CCDC136: variants seen among roughly 807,000 people sequenced by gnomAD.
The protein encoded by CCDC136 is coiled-coil domain containing 136.
In CCDC136, 100 loss-of-function variants were observed where a neutral mutation model predicts 141.2. That is an observed-to-expected ratio of 0.71 (90% CI 0.60 to 0.84). The LOEUF is 0.84. Ranked by LOEUF, CCDC136 falls within the 40% of genes least tolerant of loss-of-function variation. CCDC136 has a pLI of 0.00. For synonymous variants in CCDC136, 474 were observed against 531.9 expected (o/e 0.89, Z 1.50); for missense variants, 1,206 against 1,379.4 (o/e 0.87, Z 1.99).
At chr7:128,810,471 G>GGGGTAAGGATAA in intron 12 of CCDC136, 105 bp downstream of exon 12, 2 of 788,910 alleles carry the variant, frequency 2.5e-6, no homozygotes, top group South Asian at 3.5e-5. Context: ...TGTTTGGCCA[G>GGGGTAAGGATAA]GGGTAAGGAT....
chr7:128,809,436 G>A lies in CCDC136; in HGVS notation c.1606-14G>A, dbSNP rs753936783. Reference sequence around the variant, plus strand: ...CAGAGTAACCACCCCCTCCACACCCGCCCCCACCCACAGTGTGACACACTG... The same window carrying A: ...CAGAGTAACCACCCCCTCCACACCCACCCCCACCCACAGTGTGACACACTG... On this transcript the variant is annotated splice_polypyrimidine_tract_variant and intron_variant, in intron 10 of 17. Transcript: ENST00000297788. 1.8e-5 allele frequency: 11 copies of A among 595,730 alleles called. No homozygotes were observed. The highest frequency in any genetic ancestry group is 1.2e-4 in the South Asian group (5 of 40,128). 36.9% of individuals were successfully genotyped at this position (595,730 alleles called of 1,614,324 possible).
At position 128,821,844 on chromosome 7, in the gene CCDC136, G is replaced by T; in HGVS notation, c.*51G>T. On this transcript the variant is annotated 3_prime_UTR_variant, in exon 18 of 18. Transcript: ENST00000297788. This position sits in a 1 kb window ranked among gnomAD's most constrained non-coding sequence, Gnocchi z 5.1. ...GCCTATGGTATTCTTGGCTATTGCA[G>T]CTGTGGCTCTGTATGTGTTACCCAA... 2 of 1,290,376 alleles carry T rather than the reference G, an allele frequency of 1.5e-6. No homozygotes were observed. Among genetic ancestry groups the T allele is most frequent in the Non-Finnish European group, 2.0e-6 (2 of 989,002 alleles). 79.9% of individuals were successfully genotyped at this position (1,290,376 alleles called of 1,614,324 possible).
Position 128,817,710 on chromosome 7 carries a change from A to T in CCDC136, c.3364-48A>T, listed in dbSNP as rs780647118. ...TTGGATCCATGCGTTTATGTCTCAC[A>T]TCTCCTGGTCTCTCCTCGTGCTTCT... On this transcript the variant is annotated intron_variant, in intron 16 of 17. Transcript: ENST00000297788. This position sits in a 1 kb window ranked among gnomAD's most constrained non-coding sequence, Gnocchi z 4.6. 4 of 1,274,038 alleles carry T rather than the reference A, an allele frequency of 3.1e-6. No homozygotes were observed. In the Admixed American group the frequency reaches 6.7e-5, roughly 21 times the overall value. The allele number at this position is 1,274,038 out of a possible 1,614,324, so 78.9% of individuals were successfully genotyped here.
intron 12 of CCDC136, chr7:128,811,423 G>A (rs1805691756): frequency 2.2e-6 from 1 of 457,714 alleles, no homozygotes; most frequent in Admixed American, 2.3e-5. Context: ...CTAGGGGTGG[G>A]CGAGGGGACT....
At chr7:128,807,706 T>G in intron 10 of CCDC136, 161 bp downstream of exon 10, 1 of 448,972 alleles carries the variant, frequency 2.2e-6, no homozygotes, top group Non-Finnish European at 3.9e-6. Context: ...TTGTTTGCCC[T>G]GACCTTGACT....
At chr7:128,800,314 C>G (rs146288796) in intron 3 of CCDC136, among the ~76,000 whole-genome samples, 1 of 151,908 alleles carries the variant, frequency 6.6e-6, no homozygotes, top group Admixed American at 6.6e-5. Flanking sequence ...TTTTCGAGAC[C>G]GAGTCTCACT....
chr7:128,811,709 G>A (rs1805743544), intron 12 of CCDC136, 91 bp from the exon 13 acceptor site: 1 of 1,205,906 alleles, frequency 8.3e-7, no homozygotes. Flanking sequence ...ATTCTCTAAG[G>A]TGTGCTCTCA....
intron 17 of CCDC136, among the ~76,000 whole-genome samples, chr7:128,820,689 C>G (rs1419283525): frequency 6.6e-6 from 1 of 152,182 alleles, no homozygotes; most frequent in East Asian, 1.9e-4. Context: ...ACTTTGAACT[C>G]CCGGTCTCAA....
chr7:128,819,460 C>T (rs1455248855), intron 17 of CCDC136, among the ~76,000 whole-genome samples: 1 of 152,232 alleles, frequency 6.6e-6, no homozygotes, highest in Non-Finnish European at 1.5e-5. Flanking sequence ...GATCGAACCT[C>T]TGCCCTCCTC....
In CCDC136 at chr7:128,801,396, A is replaced by G; in HGVS notation, c.557A>G (p.Glu186Gly). ...CRMQNELEDM[E>G]RIRGDYEMEI... is the part of the protein sequence containing the mutation. ...ATGCAGAATGAACTTGAAGACATGG[A>G]ACGCATTCGGGGAGATTATGAGATG... The change falls in exon 4 of 18, where the codon GAA (glutamate) becomes GGA (glycine). Residue 186 changes from glutamate (E) to glycine (G), a missense_variant. By Grantham distance (98) the Glu-to-Gly change is moderately conservative. Coordinates refer to ENST00000297788, the MANE Select transcript of CCDC136 (RefSeq NM_022742.5). 1 of 1,613,428 alleles carries G rather than the reference A, an allele frequency of 6.2e-7. No homozygotes were observed. The highest frequency in any genetic ancestry group is 8.5e-7 in the Non-Finnish European group (1 of 1,179,642).
rs1202543289 is a variant in CCDC136, at chr7:128,805,001, G to T, written c.782+240G>T. ...AGTTTACTTCTGCTCTAGGCACTGG[G>T]TTCTGGTTTGCTCTGCCCTAAAGTG... On this transcript the variant is annotated intron_variant, in intron 5 of 17. Coordinates refer to ENST00000297788, the MANE Select transcript of CCDC136 (RefSeq NM_022742.5). The surrounding 1 kb of genome is among the most constrained non-coding windows in gnomAD (Gnocchi z 4.6). Among the ~76,000 whole-genome samples, 1 of 152,208 alleles carries T rather than the reference G, an allele frequency of 6.6e-6. No individual in the cohort carries two copies. Among genetic ancestry groups the T allele is most frequent in the Non-Finnish European group, 1.5e-5 (1 of 68,044 alleles).
In CCDC136 at chr7:128,801,032, G is replaced by A. The variant is rs191107537; in HGVS notation, c.347-154G>A. Among the ~76,000 whole-genome samples the A allele has an allele frequency of 2.6e-4, 40 of 152,074 alleles. No homozygotes were observed. In the East Asian group the frequency reaches 4.1e-3, roughly 15 times the overall value. On this transcript the variant is annotated intron_variant, in intron 3 of 17. Coordinates refer to ENST00000297788, the MANE Select transcript of CCDC136 (RefSeq NM_022742.5). ...CCTTCTTAGGTACTCCTTTTATTCCGTCCGGCATGATGCTACACTTCTCTG... is the reference window on the plus strand; with the variant it reads ...CCTTCTTAGGTACTCCTTTTATTCCATCCGGCATGATGCTACACTTCTCTG...
intron 17 of CCDC136, among the ~76,000 whole-genome samples, chr7:128,820,471 C>T (rs140645276): frequency 1.3e-3 from 199 of 152,302 alleles, no homozygotes; most frequent in Non-Finnish European, 2.2e-3. Flanking sequence ...GTGAGGTGCA[C>T]GGGTCACATT....
intron 12 of CCDC136, chr7:128,811,208 G>C (rs1805654529): frequency 2.3e-6 from 1 of 434,268 alleles, no homozygotes; most frequent in African/African-American, 2.0e-5. Flanking sequence ...CCAGGCTGGA[G>C]GCCTGGGTAA....
At position 128,794,473 on chromosome 7, in the gene CCDC136, C is replaced by T. The variant is rs1284882092; in HGVS notation, c.142C>T (p.His48Tyr). 6.4e-7 allele frequency: 1 copy of T among 1,552,240 alleles called. No homozygotes were observed. The highest frequency in any genetic ancestry group is 1.2e-5 in the South Asian group (1 of 84,062). ...TGTTGGCTCTCTGTCAGTCAACAAG[C>T]ACCGGGGACTGAGCCTCACGGAGAC... is the stretch of plus-strand genomic sequence containing the variant. ...GSVGSLSVNK[H>Y]RGLSLTETEL... Residue 48 changes from histidine to tyrosine, a missense_variant, in exon 2 of 18, where the codon CAC (histidine) becomes TAC (tyrosine). His to Tyr is a moderately conservative substitution (Grantham distance 83). Transcript: ENST00000297788. This position sits in a 1 kb window ranked among gnomAD's most constrained non-coding sequence, Gnocchi z 4.3.
Sources: gnomAD v4.1 joint callset for allele counts (sites outside exome capture counted in the v4.1 genomes callset) on GRCh38, gnomAD v4.1.1 for gene constraint, Gnocchi (gnomAD v3.1) non-coding constraint, MANE v1.5 for transcripts, NCBI Gene and HGNC (gene_info 2026-07-23, HGNC 2026-07-21) for gene names.